IL31RA: variants seen among roughly 807,000 people sequenced by gnomAD.
IL31RA encodes the protein interleukin 31 receptor A.
In IL31RA, 66 loss-of-function variants were observed where a neutral mutation model predicts 83.7. That is an observed-to-expected ratio of 0.79 (90% confidence interval 0.65 to 0.97). The LOEUF (loss-of-function observed/expected upper bound fraction) is 0.97. Among genes scored for constraint, IL31RA ranks in the 50% least tolerant of loss-of-function variants. The pLI is 0.00. For missense variants in IL31RA, 798 were observed against 919.4 expected, an observed-to-expected ratio of 0.87 and a Z score of 1.71; for synonymous variants, 325 against 329.0, an observed-to-expected ratio of 0.99 and a Z score of 0.13.
chr5:55,918,576 G>C lies in IL31RA; in HGVS notation c.*1456G>C, dbSNP rs1298128582. 6.6e-6 allele frequency among the ~76,000 whole-genome samples: 1 copy of C among 152,090 alleles called. No homozygotes were observed. The highest frequency in any genetic ancestry group is 1.5e-5 in the Non-Finnish European group (1 of 68,010). ...CCGAGGATGTTCAATGGCGCAGCGT[G>C]CATGGGGCAGAGTTGGTCACTCAGT... On this transcript the variant is annotated 3_prime_UTR_variant, in exon 15 of 15. Coordinates refer to ENST00000652347, the MANE Select transcript of IL31RA (RefSeq NM_139017.7).
chr5:55,881,535 G>A lies in IL31RA; in HGVS notation c.455-1509G>A, dbSNP rs1007163416. ...CTTACGGTGAGCTGCCCACTTGCAC[G>A]GCGGCCTGCTAGAACTTAGGAGGTG... is the stretch of plus-strand genomic sequence containing the variant. On this transcript the variant is annotated intron_variant, in intron 4 of 14. Coordinates refer to ENST00000652347, the MANE Select transcript of IL31RA (RefSeq NM_139017.7). Among the ~76,000 whole-genome samples, 12 of 151,758 alleles carry A rather than the reference G, an allele frequency of 7.9e-5. 1 individual carries two copies. Among genetic ancestry groups the A allele is most frequent in the Admixed American group, 2.0e-4 (3 of 15,244 alleles).
chr5:55,899,226 C>T (rs1161172584), intron 7 of IL31RA, among the ~76,000 whole-genome samples: 2 of 152,112 alleles, frequency 1.3e-5, no homozygotes, highest in East Asian at 3.8e-4. Context: ...CATTACGCTC[C>T]ATCTATGTGT....
chr5:55,879,333 G>A (rs1747046678), intron 4 of IL31RA, among the ~76,000 whole-genome samples: 1 of 151,096 alleles, frequency 6.6e-6, no homozygotes, highest in African/African-American at 2.4e-5. Flanking sequence ...CCACTTTGAA[G>A]GTGACTTTGT....
At chr5:55,897,095 C>G (rs1227677939) in intron 7 of IL31RA, among the ~76,000 whole-genome samples, 3 of 128,750 alleles carry the variant, frequency 2.3e-5, no homozygotes, top group African/African-American at 8.8e-5. Flanking sequence ...AGAGATCCTC[C>G]CACCTTAGCC....
chr5:55,905,978 G>T, intron 8 of IL31RA, 128 bp from the exon 9 acceptor site: 1 of 889,722 alleles, frequency 1.1e-6, no homozygotes, highest in South Asian at 1.3e-5. Context: ...CCCCATCCGG[G>T]GAGGCTGCAG....
At chr5:55,859,631 G>C in intron 2 of IL31RA, 32 bp downstream of exon 2, 1 of 1,405,022 alleles carries the variant, frequency 7.1e-7, no homozygotes, top group Middle Eastern at 1.8e-4. Context: ...TACAGATCAT[G>C]TGATTATTAT....
At chr5:55,896,571 C>G (rs1580716785) in intron 7 of IL31RA, 142 bp downstream of exon 7, 2 of 432,634 alleles carry the variant, frequency 4.6e-6, no homozygotes, top group Admixed American at 5.7e-5. Context: ...CTCCCCTCCC[C>G]TCCCTTCCCC....
rs778837317 is a variant in IL31RA, at chr5:55,859,598, A to G, written c.153A>G (p.Ala51=). The G allele has an allele frequency of 3.1e-6, 5 of 1,602,512 alleles. No individual in the cohort carries two copies. The highest frequency in any genetic ancestry group is 2.2e-5 in the East Asian group (1 of 44,854). Residue 51 remains alanine, a splice_region_variant and synonymous_variant, in exon 2 of 15, where the codon GCA becomes GCG. Coordinates refer to ENST00000652347, the MANE Select transcript of IL31RA (RefSeq NM_139017.7). ...CCTCACTCTGCAAATTCAGCCTGGCAGGTAGGTTGACCTGGGCCCTTTTAC... is the reference window on the plus strand; with the variant it reads ...CCTCACTCTGCAAATTCAGCCTGGCGGGTAGGTTGACCTGGGCCCTTTTAC... ...MLPSLCKFSL[A]ALPAKPENIS...
intron 1 of IL31RA, among the ~76,000 whole-genome samples, chr5:55,856,275 G>T (rs1318014331): frequency 6.6e-6 from 1 of 152,186 alleles, no homozygotes; most frequent in Non-Finnish European, 1.5e-5. Flanking sequence ...GTTCAATATG[G>T]CATATTTGTA....
At chr5:55,843,546 C>T in the IL31RA span, among the ~76,000 whole-genome samples, 1 of 152,146 alleles carries the variant, frequency 6.6e-6, no homozygotes, top group African/African-American at 2.4e-5. Context: ...TGGGTTTGTC[C>T]ATTTCCAATA....
At chr5:55,896,905 C>T (rs1267379555) in intron 7 of IL31RA, among the ~76,000 whole-genome samples, 2 of 85,416 alleles carry the variant, frequency 2.3e-5, no homozygotes, top group Non-Finnish European at 2.3e-5. Context: ...CAGCCTTTAA[C>T]TCCTGGGCTC....
intron 4 of IL31RA, among the ~76,000 whole-genome samples, chr5:55,877,733 G>T (rs1203012119): frequency 6.6e-6 from 1 of 152,126 alleles, no homozygotes; most frequent in Non-Finnish European, 1.5e-5. Flanking sequence ...GTGATGAGTT[G>T]TATCTCTCTT....
chr5:55,905,213 A>AAAAG (rs1318218933), intron 8 of IL31RA, among the ~76,000 whole-genome samples: 3 of 150,550 alleles, frequency 2.0e-5, no homozygotes, highest in Admixed American at 1.3e-4. Context: ...AAAAAAAAAA[A>AAAAG]AAAGAAAGAA....
At position 55,889,035 on chromosome 5, in the gene IL31RA, T is replaced by C. The variant is rs1259932643; in HGVS notation, c.607-935T>C. On this transcript the variant is annotated intron_variant, in intron 5 of 14. Coordinates refer to ENST00000652347, the MANE Select transcript of IL31RA (RefSeq NM_139017.7). ...CGATGCTGTGTGCATACTAGTTAAA[T>C]AGACATGCCTATTAGTGCAGTTTAT... is the stretch of plus-strand genomic sequence containing the variant. Among the ~76,000 whole-genome samples, 3 of 152,256 alleles carry C rather than the reference T, an allele frequency of 2.0e-5. No individual in the cohort carries two copies. In the East Asian group the frequency reaches 5.8e-4, roughly 29 times the overall value.
At chr5:55,858,267 C>T (rs1204899719) in intron 1 of IL31RA, among the ~76,000 whole-genome samples, 2 of 152,102 alleles carry the variant, frequency 1.3e-5, no homozygotes, top group African/African-American at 4.8e-5. Flanking sequence ...TCATAGCCTT[C>T]CTTTTTAATG....
chr5:55,889,452 G>T (rs980619837), intron 5 of IL31RA, among the ~76,000 whole-genome samples: 3 of 152,214 alleles, frequency 2.0e-5, no homozygotes, highest in Non-Finnish European at 2.9e-5. Flanking sequence ...CGAAAAAGCC[G>T]AGGAGTGAAG....
intron 8 of IL31RA, among the ~76,000 whole-genome samples, chr5:55,900,946 A>C (rs1748769633): frequency 6.6e-6 from 1 of 152,154 alleles, no homozygotes; most frequent in Non-Finnish European, 1.5e-5. Context: ...GGCATAGAGC[A>C]GGTGTGCAGT....
upstream of IL31RA, among the ~76,000 whole-genome samples, chr5:55,847,388 C>T (rs1434969647): frequency 6.6e-6 from 1 of 152,074 alleles, no homozygotes; most frequent in African/African-American, 2.4e-5. Context: ...TGAAGACCAG[C>T]CTGGCCACCA....
chr5:55,852,337 T>G (rs954031564), intron 1 of IL31RA: 2 of 152,050 alleles, frequency 1.3e-5, no homozygotes, highest in Non-Finnish European at 2.9e-5. Context: ...GCCTGACTAA[T>G]TTTTTTGTAT....
Sources: allele counts gnomAD v4.1 joint callset (sites outside exome capture counted in the v4.1 genomes callset), GRCh38; gene constraint gnomAD v4.1.1; transcripts MANE v1.5; gene names NCBI Gene and HGNC (gene_info 2026-07-23, HGNC 2026-07-21).